SMAGP: variants seen among roughly 807,000 people sequenced by gnomAD.
SMAGP encodes small cell adhesion glycoprotein.
In SMAGP, 7 loss-of-function variants were observed where a neutral mutation model predicts 10.1. The ratio of observed to expected loss-of-function variants is 0.70; its 90% CI spans 0.40 to 1.31. The LOEUF (loss-of-function observed/expected upper bound fraction) is 1.31. SMAGP is among the 50% of genes most tolerant of loss of function. The pLI is 0.01. For missense variants in SMAGP, 113 were observed against 116.5 expected (o/e 0.97, Z 0.14); for synonymous variants, 49 against 47.2 (o/e 1.04, Z -0.16).
At chr12:51,266,469 A>AG (rs932281301) in intron 2 of SMAGP, among the ~76,000 whole-genome samples, 2 of 16,940 alleles carry the variant, frequency 1.2e-4, no homozygotes, top group African/African-American at 1.6e-4. Flanking sequence ...TTGACTTAAG[A>AG]AAAAAAAAAA....
intron 2 of SMAGP, among the ~76,000 whole-genome samples, chr12:51,266,989 G>A (rs1228347859): frequency 2.0e-5 from 3 of 152,106 alleles, no homozygotes; most frequent in East Asian, 1.9e-4. Context: ...GGTAGCGCAC[G>A]CCTGTAATTC....
At chr12:51,254,222 T>A (rs903457609) in intron 2 of SMAGP, among the ~76,000 whole-genome samples, 1 of 152,180 alleles carries the variant, frequency 6.6e-6, no homozygotes, top group African/African-American at 2.4e-5. Context: ...TCTGTTTATA[T>A]AATTTACATT....
At chr12:51,264,133 T>C (rs1200566318) in intron 2 of SMAGP, among the ~76,000 whole-genome samples, 1 of 151,954 alleles carries the variant, frequency 6.6e-6, no homozygotes, top group Non-Finnish European at 1.5e-5. Flanking sequence ...GAGGGAGGAA[T>C]AGGTGGGAAG....
At chr12:51,261,502 C>G (rs1248730265) in intron 2 of SMAGP, among the ~76,000 whole-genome samples, 1 of 152,102 alleles carries the variant, frequency 6.6e-6, no homozygotes, top group African/African-American at 2.4e-5. Flanking sequence ...ATTCTGTCTT[C>G]TAATATGCCA....
At chr12:51,261,363 G>A (rs180986275) in intron 2 of SMAGP, among the ~76,000 whole-genome samples, 10 of 152,192 alleles carry the variant, frequency 6.6e-5, no homozygotes, top group Admixed American at 6.6e-4. Context: ...CCAAAGTGCT[G>A]GGATTACAGG....
At position 51,246,131 on chromosome 12, in the gene SMAGP, G is replaced by A. The variant is rs771841861; in HGVS notation, c.116-12C>T. ...AACGGTGATAACAACTTGGAAAGGA[G>A]AGGGAAAATGTAGAGATGTTTCAGG... On this transcript the variant is annotated splice_polypyrimidine_tract_variant and intron_variant, in intron 3 of 3. Coordinates refer to ENST00000603798, the MANE Select transcript of SMAGP (RefSeq NM_001031628.2). 3 of 1,613,552 alleles carry A rather than the reference G, an allele frequency of 1.9e-6. No homozygotes were observed. Among genetic ancestry groups the A allele is most frequent in the East Asian group, 2.2e-5 (1 of 44,882 alleles).
chr12:51,260,580 G>A (rs554004949), intron 2 of SMAGP, among the ~76,000 whole-genome samples: 346 of 149,718 alleles, frequency 2.3e-3, no homozygotes, highest in African/African-American at 7.8e-3. Flanking sequence ...GGGTTTCACC[G>A]TGTTAGCCAG....
rs1199662165 is a variant in SMAGP, at chr12:51,252,116, C to CAA, written c.35-5286_35-5285insTT. Reference sequence around the variant, plus strand: ...TCAGATTTTTTTTTTTTTTTCCAGACAGAGTCTCGCTCTGTCACCCAGGCT... The same window carrying CAA: ...TCAGATTTTTTTTTTTTTTTCCAGACAAAGAGTCTCGCTCTGTCACCCAGGCT... On this transcript the variant is annotated intron_variant, in intron 2 of 3. Coordinates refer to ENST00000603798, the MANE Select transcript of SMAGP (RefSeq NM_001031628.2). Among the ~76,000 whole-genome samples the CAA allele has an allele frequency of 2.7e-5, 4 of 147,970 alleles. No individual in the cohort carries two copies. The East Asian group carries it at 7.9e-4, about 29-fold the overall frequency.
At chr12:51,255,587 C>T (rs986142925) in intron 2 of SMAGP, among the ~76,000 whole-genome samples, 1 of 152,138 alleles carries the variant, frequency 6.6e-6, no homozygotes, top group African/African-American at 2.4e-5. Flanking sequence ...TGAGGGAGAC[C>T]ATTTTGGCCC....
At chr12:51,246,654 G>T in intron 3 of SMAGP, 97 bp downstream of exon 3, 4 of 637,952 alleles carry the variant, frequency 6.3e-6, no homozygotes, top group Non-Finnish European at 7.4e-6. Context: ...TAACTTACAA[G>T]CCAGAGTGAG....
At chr12:51,268,859 T>G (rs1243486556) in intron 2 of SMAGP, among the ~76,000 whole-genome samples, 1 of 152,006 alleles carries the variant, frequency 6.6e-6, no homozygotes, top group African/African-American at 2.4e-5. Context: ...CTGCTGGCAT[T>G]ACAAGCATGA....
In SMAGP at chr12:51,254,270, C is replaced by T. The variant is rs59252445; in HGVS notation, c.35-7439G>A. On this transcript the variant is annotated intron_variant, in intron 2 of 3. Transcript: ENST00000603798. ...AGACAGACAATAAATAAAATAAGGC[C>T]GGGCGCGGTGGCTCATGCCTGTAAT... Among the ~76,000 whole-genome samples the T allele has an allele frequency of 6.1e-3, 926 of 152,164 alleles. 6 individuals carry two copies. Among genetic ancestry groups the T allele is most frequent in the African/African-American group, 0.021 (871 of 41,514 alleles).
intron 2 of SMAGP, among the ~76,000 whole-genome samples, chr12:51,262,834 C>T (rs530467865): frequency 1.3e-5 from 2 of 152,306 alleles, no homozygotes; most frequent in South Asian, 4.1e-4. Context: ...TCTTTTGCCA[C>T]CTAAGTCTGC....
chr12:51,269,315 A>G lies in SMAGP; in HGVS notation c.-37T>C, dbSNP rs1224845199. ...GTTGAGTTTCTTGGAGAAGAGGCAG[A>G]TCTGTAGGAAGAGGGGCAAAGACAG... On this transcript the variant is annotated splice_region_variant and 5_prime_UTR_variant, in exon 2 of 4. Transcript: ENST00000603798. The G allele has an allele frequency of 8.1e-6, 13 of 1,613,166 alleles. No individual in the cohort carries two copies. Among genetic ancestry groups the G allele is most frequent in the Non-Finnish European group, 1.0e-5 (12 of 1,179,294 alleles).
At chr12:51,253,574 C>T (rs1173883724) in intron 2 of SMAGP, 1 of 151,514 alleles carries the variant, frequency 6.6e-6, no homozygotes, top group Non-Finnish European at 1.5e-5. Context: ...ATATACATAC[C>T]CTTAAAGAGG....
At chr12:51,267,471 C>A (rs7955322) in intron 2 of SMAGP, among the ~76,000 whole-genome samples, 9 of 146,848 alleles carry the variant, frequency 6.1e-5, no homozygotes, top group African/African-American at 2.2e-4. Context: ...CCTATTCCCC[C>A]CCCCCACTCC....
intron 3 of SMAGP, 148 bp downstream of exon 3, chr12:51,246,603 G>GCT (rs746952755): frequency 5.8e-5 from 20 of 344,660 alleles, no homozygotes; most frequent in African/African-American, 5.3e-4. Flanking sequence ...GTCTTTTATG[G>GCT]CTGTGTGTGT....
chr12:51,268,692 C>G (rs1394352483), intron 2 of SMAGP, among the ~76,000 whole-genome samples: 1 of 151,344 alleles, frequency 6.6e-6, no homozygotes, highest in Non-Finnish European at 1.5e-5. Context: ...CAAGCGATTC[C>G]CATGCCTCAG....
intron 2 of SMAGP, among the ~76,000 whole-genome samples, chr12:51,262,001 G>A (rs1343521100): frequency 6.6e-6 from 1 of 151,904 alleles, no homozygotes; most frequent in Non-Finnish European, 1.5e-5. Context: ...ACTTTTGGAG[G>A]CTGAGGTGGG....
Sources: allele counts gnomAD v4.1 joint callset (sites outside exome capture counted in the v4.1 genomes callset), GRCh38; gene constraint gnomAD v4.1.1; transcripts MANE v1.5; gene names NCBI Gene and HGNC (gene_info 2026-07-23, HGNC 2026-07-21).